Variants in UBE3C observed in about 807,000 individuals in gnomAD.
The protein encoded by UBE3C is ubiquitin-protein ligase E3C.
A neutral mutation model predicts 129.4 loss-of-function variants in UBE3C; 42 were observed. That is an observed-to-expected ratio of 0.32 (90% CI 0.25 to 0.42). UBE3C has a LOEUF of 0.42. Ranked by LOEUF, UBE3C falls within the 10% of genes least tolerant of loss-of-function variation. The pLI, the probability that UBE3C is intolerant of heterozygous loss-of-function variation, is 1.00. For synonymous variants in UBE3C, 510 were observed against 492.4 expected, an observed-to-expected ratio of 1.04 and a Z score of -0.47; for missense variants, 1,049 against 1,319.1, an observed-to-expected ratio of 0.80 and a Z score of 3.17.
intron 2 of UBE3C, among the ~76,000 whole-genome samples, chr7:157,168,333 T>TAAA (rs1808273436): frequency 2.2e-5 from 2 of 89,886 alleles, no homozygotes; most frequent in African/African-American, 1.4e-4. Context: ...AGACTCTGTC[T>TAAA]CAAAAAAAAA....
intron 10 of UBE3C, among the ~76,000 whole-genome samples, chr7:157,198,765 C>T (rs1809196672): frequency 6.6e-6 from 1 of 152,206 alleles, no homozygotes; most frequent in Non-Finnish European, 1.5e-5. Flanking sequence ...GAACCCCTGA[C>T]CTCAGGTGGT....
At chr7:157,215,333 G>A (rs1053586689) in intron 13 of UBE3C, among the ~76,000 whole-genome samples, 6 of 151,822 alleles carry the variant, frequency 4.0e-5, no homozygotes, top group Middle Eastern at 3.4e-3. Flanking sequence ...CCTTGGATTT[G>A]CATTTCATAA....
intron 18 of UBE3C, among the ~76,000 whole-genome samples, chr7:157,237,001 G>A (rs1183107): frequency 0.52 from 78,570 of 152,044 alleles, 23,257 homozygotes; most frequent in Non-Finnish European, 0.66. Flanking sequence ...CAAAGTGCTG[G>A]CATTACAGGC....
Position 157,178,840 on chromosome 7 carries a change from T to C in UBE3C, c.609T>C (p.Ile203=), listed in dbSNP as rs1175550650. 1 of 1,614,008 alleles carries C rather than the reference T, an allele frequency of 6.2e-7. No homozygotes were observed. The highest frequency in any genetic ancestry group is 1.3e-5 in the African/African-American group (1 of 74,938). ...SVIEQILHYM[I]HNGYYRSLYL... The stretch of plus-strand genomic sequence containing the variant: ...TTGAACAAATTTTGCACTACATGAT[T>C]CACAATGGTAAGTAGTAGGCAGGAT... Residue 203 remains isoleucine, a synonymous_variant, in exon 6 of 23, where the codon ATT becomes ATC. Transcript: ENST00000348165.
intron 19 of UBE3C, among the ~76,000 whole-genome samples, chr7:157,253,723 G>T (rs1017607340): frequency 1.3e-5 from 2 of 152,186 alleles, no homozygotes; most frequent in Admixed American, 1.3e-4. Flanking sequence ...AGGAAACATG[G>T]ATGGTTAGTG....
At chr7:157,156,799 A>T (rs1403041447) in intron 1 of UBE3C, among the ~76,000 whole-genome samples, 1 of 151,986 alleles carries the variant, frequency 6.6e-6, no homozygotes, top group Non-Finnish European at 1.5e-5. Flanking sequence ...TCTCGGAGAC[A>T]GTTCCTGATC....
intron 4 of UBE3C, among the ~76,000 whole-genome samples, chr7:157,172,069 G>T (rs1808393679): frequency 6.8e-6 from 1 of 146,882 alleles, no homozygotes. Flanking sequence ...TGCTCACTCT[G>T]TCGCCCAGGC....
At position 157,247,520 on chromosome 7, in the gene UBE3C, C is replaced by G. The variant is rs187000333; in HGVS notation, c.2482-848C>G. 1.8e-4 allele frequency among the ~76,000 whole-genome samples: 27 copies of G among 152,250 alleles called. 1 individual carries two copies. In the South Asian group the frequency reaches 5.6e-3, roughly 32 times the overall value. ...AAGCCTGGCCAATATGGCAAAACCC[C>G]GTCTCTACTAAATATACAAAAATTA... is the stretch of plus-strand genomic sequence containing the variant. On this transcript the variant is annotated intron_variant, in intron 18 of 22. Transcript: ENST00000348165.
chr7:157,227,711 GA>G (rs1795919434), intron 17 of UBE3C, among the ~76,000 whole-genome samples: 1 of 150,930 alleles, frequency 6.6e-6, no homozygotes, highest in Non-Finnish European at 1.5e-5. Flanking sequence ...AAAAAAAAAA[GA>G]AAAAACTACT....
At chr7:157,195,794 G>C (rs1809102932) in intron 10 of UBE3C, among the ~76,000 whole-genome samples, 1 of 152,184 alleles carries the variant, frequency 6.6e-6, no homozygotes, top group African/African-American at 2.4e-5. Flanking sequence ...AATGGGTTGT[G>C]ACTTTTGAGC....
chr7:157,251,052 G>GA (rs2116687448), intron 19 of UBE3C, among the ~76,000 whole-genome samples: 1 of 152,232 alleles, frequency 6.6e-6, no homozygotes, highest in African/African-American at 2.4e-5. Context: ...AAAAATTATA[G>GA]ATAATGTATG....
intron 10 of UBE3C, chr7:157,192,880 AGGGATTATC>A: frequency 4.6e-6 from 4 of 867,140 alleles, no homozygotes; most frequent in Non-Finnish European, 7.5e-6. Context: ...AAAAAAAAGA[AGGGATTATC>A]AAAGAAGACA....
intron 22 of UBE3C, among the ~76,000 whole-genome samples, chr7:157,258,764 A>G (rs1379428259): frequency 6.6e-6 from 1 of 152,166 alleles, no homozygotes; most frequent in South Asian, 2.1e-4. Context: ...CCGGCCCCCC[A>G]AGTATTTTTT....
chr7:157,177,255 G>A (rs933041789), intron 5 of UBE3C, among the ~76,000 whole-genome samples: 1 of 152,174 alleles, frequency 6.6e-6, no homozygotes. Context: ...TACTAATGAT[G>A]ACGGGTGTTT....
chr7:157,190,082 G>A (rs1360714415), intron 10 of UBE3C, among the ~76,000 whole-genome samples: 1 of 152,236 alleles, frequency 6.6e-6, no homozygotes, highest in Admixed American at 6.5e-5. Flanking sequence ...TTACAGGCGT[G>A]AGCCACTGCG....
intron 17 of UBE3C, among the ~76,000 whole-genome samples, chr7:157,228,460 G>A (rs987180365): frequency 6.6e-6 from 1 of 152,210 alleles, no homozygotes; most frequent in Admixed American, 6.5e-5. Flanking sequence ...AGGCACAGCT[G>A]GCTCTGCACT....
At chr7:157,245,049 C>T (rs113443695) in intron 18 of UBE3C, among the ~76,000 whole-genome samples, 70 of 152,278 alleles carry the variant, frequency 4.6e-4, no homozygotes, top group African/African-American at 1.7e-3. Context: ...CAGTTGCATA[C>T]ATTATGGAAA....
At chr7:157,153,417 G>C (rs181367917) in intron 1 of UBE3C, among the ~76,000 whole-genome samples, 1 of 152,134 alleles carries the variant, frequency 6.6e-6, no homozygotes, top group African/African-American at 2.4e-5. Context: ...TCTTTTCTGG[G>C]CTTTTCTTTG....
At chr7:157,257,067 G>A in intron 22 of UBE3C, 23 bp downstream of exon 22, 1 of 1,612,590 alleles carries the variant, frequency 6.2e-7, no homozygotes, top group Non-Finnish European at 8.5e-7. Context: ...CATGACATTT[G>A]CTTTAAAGAC....
Sources: allele counts gnomAD v4.1 joint callset (sites outside exome capture counted in the v4.1 genomes callset), GRCh38; gene constraint gnomAD v4.1.1; transcripts MANE v1.5; gene names NCBI Gene and HGNC (gene_info 2026-07-23, HGNC 2026-07-21).